Variants in ARHGEF38 observed in about 807,000 individuals in gnomAD.
The protein encoded by ARHGEF38 is Rho guanine nucleotide exchange factor (GEF) 38.
A neutral mutation model predicts 79.9 loss-of-function variants in ARHGEF38; 79 were observed. That is an observed-to-expected ratio of 0.99 (90% CI 0.82 to 1.19). The LOEUF (loss-of-function observed/expected upper bound fraction) is 1.19, where lower values mean the gene tolerates loss of function less well. Among genes scored for constraint, ARHGEF38 ranks in the 50% most tolerant of loss-of-function variants. ARHGEF38 has a pLI of 0.00. For missense variants in ARHGEF38, 962 were observed against 907.2 expected (o/e 1.06, Z -0.78); for synonymous variants, 366 against 328.3 (o/e 1.11, Z -1.24).
Position 105,589,361 on chromosome 4 carries a change from C to T in ARHGEF38, c.310C>T (p.Gln104Ter). 2 of 1,613,992 alleles carry T rather than the reference C, an allele frequency of 1.2e-6. No individual in the cohort carries two copies. Among genetic ancestry groups the T allele is most frequent in the Non-Finnish European group, 1.7e-6 (2 of 1,179,956 alleles). The part of the protein sequence containing the change: ...KREKIIKELI[Q>*]TEKDYLNDLE... ...GGAAAAGATCATTAAGGAGCTGATA[C>T]AGACAGAAAAGGATTATCTCAATGA... Residue 104 changes from glutamine to a stop codon, truncating the protein, a stop_gained, in exon 2 of 14, where the codon CAG becomes TAG. Coordinates refer to ENST00000420470, the MANE Select transcript of ARHGEF38 (RefSeq NM_001242729.2). LOFTEE classifies it high-confidence loss of function.
chr4:105,636,174 G>A (rs1047672002), intron 4 of ARHGEF38, among the ~76,000 whole-genome samples: 1 of 151,834 alleles, frequency 6.6e-6, no homozygotes, highest in Admixed American at 6.6e-5. Context: ...AATAAACACA[G>A]GATATTATTT....
At chr4:105,645,493 A>T in intron 6 of ARHGEF38, 106 bp downstream of exon 6, 1 of 911,480 alleles carries the variant, frequency 1.1e-6, no homozygotes, top group Non-Finnish European at 1.5e-6. Flanking sequence ...CAGTGAACTG[A>T]TCATTTGAAA....
At chr4:105,589,684 AT>A (rs1168538511) in intron 2 of ARHGEF38, among the ~76,000 whole-genome samples, 1 of 152,138 alleles carries the variant, frequency 6.6e-6, no homozygotes, top group Non-Finnish European at 1.5e-5. Flanking sequence ...AAATTAAGAT[AT>A]GTTATATGGT....
intron 13 of ARHGEF38, among the ~76,000 whole-genome samples, chr4:105,670,781 C>G (rs114837275): frequency 5.0e-4 from 76 of 152,276 alleles, no homozygotes; most frequent in African/African-American, 1.7e-3. Context: ...TCAGACTTTG[C>G]CTTGTCCCAA....
chr4:105,594,928 C>T (rs527659128), intron 2 of ARHGEF38, among the ~76,000 whole-genome samples: 1 of 152,204 alleles, frequency 6.6e-6, no homozygotes, highest in Admixed American at 6.5e-5. Flanking sequence ...TATTTATTAT[C>T]CAAACAGGGC....
intron 3 of ARHGEF38, 47 bp from the exon 4 acceptor site, chr4:105,630,851 C>A: frequency 6.6e-7 from 1 of 1,526,498 alleles, no homozygotes; most frequent in Non-Finnish European, 8.9e-7. Context: ...TGTGAAGTGC[C>A]AGCTTTGTCT....
intron 3 of ARHGEF38, among the ~76,000 whole-genome samples, chr4:105,625,097 CTAAAAT>C (rs1242720626): frequency 6.6e-6 from 1 of 152,288 alleles, no homozygotes; most frequent in African/African-American, 2.4e-5. Flanking sequence ...GAGATTTTAA[CTAAAAT>C]TATTTTTGTA....
chr4:105,647,662 A>T (rs1283118520), intron 6 of ARHGEF38, among the ~76,000 whole-genome samples: 1 of 152,146 alleles, frequency 6.6e-6, no homozygotes, highest in Non-Finnish European at 1.5e-5. Context: ...TTTAATTCTC[A>T]TCAGCAGTCT....
chr4:105,553,314 CA>C (rs1003920966), intron 1 of ARHGEF38, among the ~76,000 whole-genome samples: 41 of 151,976 alleles, frequency 2.7e-4, no homozygotes, highest in African/African-American at 9.7e-4. Context: ...TAGAAACCTA[CA>C]AAAGATTGTT....
intron 3 of ARHGEF38, among the ~76,000 whole-genome samples, chr4:105,620,400 T>C (rs1161552683): frequency 1.3e-5 from 2 of 152,190 alleles, no homozygotes; most frequent in South Asian, 2.1e-4. Flanking sequence ...CTATCCCATA[T>C]GGTTTTTATG....
intron 5 of ARHGEF38, among the ~76,000 whole-genome samples, chr4:105,639,442 C>A (rs1460640974): frequency 6.6e-6 from 1 of 151,768 alleles, no homozygotes; most frequent in East Asian, 1.9e-4. Flanking sequence ...TTTGTGTCTG[C>A]CTTAGAAATT....
intron 4 of ARHGEF38, among the ~76,000 whole-genome samples, chr4:105,635,025 A>C (rs1729342494): frequency 6.6e-6 from 1 of 152,190 alleles, no homozygotes; most frequent in Admixed American, 6.6e-5. Context: ...AAAGCCCTTC[A>C]GTTCCTTGTT....
chr4:105,645,919 A>G (rs1315384079), intron 6 of ARHGEF38, among the ~76,000 whole-genome samples: 1 of 152,214 alleles, frequency 6.6e-6, no homozygotes, highest in Non-Finnish European at 1.5e-5. Flanking sequence ...ATTGTTAACT[A>G]TTTGTAAGCT....
At position 105,552,731 on chromosome 4, in the gene ARHGEF38, T is replaced by C; in HGVS notation, c.-35T>C. On this transcript the variant is annotated 5_prime_UTR_variant, in exon 1 of 14. Transcript: ENST00000420470. ...CTGAGGCACCTTAGCAATCAGCCAT[T>C]GCCTGCAAGCCTCCAAAGCTTGTCT... 1 of 1,556,848 alleles carries C rather than the reference T, an allele frequency of 6.4e-7. No homozygotes were observed. The highest frequency in any genetic ancestry group is 8.7e-7 in the Non-Finnish European group (1 of 1,148,356).
At chr4:105,667,798 G>C in intron 13 of ARHGEF38, 95 bp downstream of exon 13, 1 of 1,427,118 alleles carries the variant, frequency 7.0e-7, no homozygotes, top group East Asian at 2.5e-5. Context: ...GTGGAAAAGT[G>C]CCAGCTTTGA....
chr4:105,659,848 T>TG (rs1730491340), intron 10 of ARHGEF38, among the ~76,000 whole-genome samples: 1 of 141,768 alleles, frequency 7.1e-6, no homozygotes, highest in African/African-American at 2.9e-5. Flanking sequence ...GAAGCCTGGT[T>TG]TTGTGTGTGT....
intron 8 of ARHGEF38, among the ~76,000 whole-genome samples, chr4:105,655,363 G>C (rs576016602): frequency 1.3e-5 from 2 of 152,312 alleles, no homozygotes; most frequent in East Asian, 3.9e-4. Flanking sequence ...AAGATGGACT[G>C]TTTAATCAAA....
chr4:105,661,478 TTATTA>T (rs1560755723), intron 10 of ARHGEF38, among the ~76,000 whole-genome samples: 7 of 14,804 alleles, frequency 4.7e-4, no homozygotes, highest in African/African-American at 7.4e-4. Context: ...CACCTCTTTA[TTATTA>T]TTATTATTAT....
intron 8 of ARHGEF38, among the ~76,000 whole-genome samples, chr4:105,654,641 T>G (rs1730248741): frequency 6.6e-6 from 1 of 152,146 alleles, no homozygotes; most frequent in Non-Finnish European, 1.5e-5. Context: ...AAAACAGAAA[T>G]ACTCCCAGAA....
Sources: allele counts gnomAD v4.1 joint callset (sites outside exome capture counted in the v4.1 genomes callset), GRCh38; gene constraint gnomAD v4.1.1; transcripts MANE v1.5; gene names NCBI Gene and HGNC (gene_info 2026-07-23, HGNC 2026-07-21).